DHX33: variants seen among roughly 807,000 people sequenced by gnomAD.
DHX33 encodes the protein ATP-dependent RNA helicase DHX33.
In DHX33, 42 loss-of-function variants were observed where a neutral mutation model predicts 72.5. That is an observed-to-expected ratio of 0.58 (90% confidence interval 0.45 to 0.75). DHX33 has a LOEUF of 0.75. Ranked by LOEUF, DHX33 falls within the 30% of genes least tolerant of loss-of-function variation. The pLI, the probability that DHX33 is intolerant of heterozygous loss-of-function variation, is 0.00. For missense variants in DHX33, 842 were observed against 917.5 expected (o/e 0.92, Z 1.06); for synonymous variants, 358 against 366.1 (o/e 0.98, Z 0.25).
Position 5,444,128 on chromosome 17 carries a change from A to G in DHX33, c.*77T>C, listed in dbSNP as rs1916538214. 2 of 1,513,572 alleles carry G rather than the reference A, an allele frequency of 1.3e-6. No homozygotes were observed. Among genetic ancestry groups the G allele is most frequent in the South Asian group, 1.3e-5 (1 of 75,718 alleles). 93.8% of individuals were successfully genotyped at this position (1,513,572 alleles called of 1,614,324 possible). ...GATTCCAAGGCTTCTCTAAGCGCCAACCTGGAAGCCTGCTGTAAGGACAAC... is the reference window on the plus strand; with the variant it reads ...GATTCCAAGGCTTCTCTAAGCGCCAGCCTGGAAGCCTGCTGTAAGGACAAC... On this transcript the variant is annotated 3_prime_UTR_variant, in exon 12 of 12. Coordinates refer to ENST00000225296, the MANE Select transcript of DHX33 (RefSeq NM_020162.4). This position sits in a 1 kb window ranked among gnomAD's most constrained non-coding sequence, Gnocchi z 4.9.
At position 5,444,570 on chromosome 17, in the gene DHX33, A is replaced by G; in HGVS notation, c.1816-57T>C. The G allele has an allele frequency of 6.4e-7, 1 of 1,553,770 alleles. No homozygotes were observed. Among genetic ancestry groups the G allele is most frequent in the East Asian group, 2.3e-5 (1 of 44,018 alleles). ...ACCCCACACGTAAACACTGGTCAGC[A>G]CTACACAGCGTGTTGGGGCAACTGG... On this transcript the variant is annotated intron_variant, in intron 11 of 11. Transcript: ENST00000225296. This position sits in a 1 kb window ranked among gnomAD's most constrained non-coding sequence, Gnocchi z 4.9.
rs1916536715 is a variant in DHX33, at chr17:5,444,082, G to A, written c.*123C>T. 14 of 1,153,538 alleles carry A rather than the reference G, an allele frequency of 1.2e-5. No individual in the cohort carries two copies. The South Asian group carries it at 1.6e-4, about 13-fold the overall frequency. The allele number at this position is 1,153,538 out of a possible 1,614,324, so 71.5% of individuals were successfully genotyped here. On this transcript the variant is annotated 3_prime_UTR_variant, in exon 12 of 12. Coordinates refer to ENST00000225296, the MANE Select transcript of DHX33 (RefSeq NM_020162.4). The surrounding 1 kb of genome is among the most constrained non-coding windows in gnomAD (Gnocchi z 4.9). ...TGAGCAAAGATGCTTTCACGCTCCT[G>A]GAAGTCAGGCACCTTCAGCTGATTC...
chr17:5,468,877 G>C lies in DHX33; in HGVS notation c.-18C>G, dbSNP rs1905006356. On this transcript the variant is annotated 5_prime_UTR_variant, in exon 1 of 12. Transcript: ENST00000225296. Reference sequence around the variant, plus strand: ...TCCGGCATGTCGGGAGGGCACCGCGGCGGGAGGCGCAAGCGCCGAGAGCTC... The same window carrying C: ...TCCGGCATGTCGGGAGGGCACCGCGCCGGGAGGCGCAAGCGCCGAGAGCTC... 6.5e-7 allele frequency: 1 copy of C among 1,549,534 alleles called. No homozygotes were observed. Among genetic ancestry groups the C allele is most frequent in the Non-Finnish European group, 8.7e-7 (1 of 1,146,834 alleles).
intron 11 of DHX33, among the ~76,000 whole-genome samples, chr17:5,445,326 G>A (rs769685096): frequency 5.3e-5 from 8 of 152,152 alleles, no homozygotes; most frequent in African/African-American, 7.2e-5. Context: ...TGATCTGCCC[G>A]CCTTGGCCTC....
At chr17:5,447,381 G>A (rs937652776) in intron 11 of DHX33, among the ~76,000 whole-genome samples, 6 of 151,940 alleles carry the variant, frequency 3.9e-5, no homozygotes, top group Non-Finnish European at 5.9e-5. Flanking sequence ...TAGGCCGGGC[G>A]TGGTGGCTCA....
At chr17:5,462,088 T>C (rs1044815126) in intron 3 of DHX33, among the ~76,000 whole-genome samples, 1 of 150,826 alleles carries the variant, frequency 6.6e-6, no homozygotes, top group African/African-American at 2.4e-5. Flanking sequence ...TACAGATGTG[T>C]GCCACCACAC....
At chr17:5,467,081 A>G (rs1414138585) in intron 1 of DHX33, among the ~76,000 whole-genome samples, 2 of 152,234 alleles carry the variant, frequency 1.3e-5, no homozygotes, top group Non-Finnish European at 2.9e-5. Flanking sequence ...AGCGCTGCTA[A>G]AAAACGTAAA....
At chr17:5,453,432 T>G (rs1917040817) in intron 8 of DHX33, 148 bp downstream of exon 8, 2 of 668,496 alleles carry the variant, frequency 3.0e-6, no homozygotes, top group African/African-American at 1.8e-5. Context: ...TTCATGATTT[T>G]CAGATGCTTC....
At chr17:5,454,171 C>A (rs60423909) in intron 6 of DHX33, among the ~76,000 whole-genome samples, 191 bp from the exon 7 acceptor site, 43,408 of 152,042 alleles carry the variant, frequency 0.29, 7,314 homozygotes, top group African/African-American at 0.46. Context: ...AAGGCTTTGC[C>A]ATAAGCCCAC....
At chr17:5,461,577 C>T (rs922803055) in intron 3 of DHX33, among the ~76,000 whole-genome samples, 1 of 149,642 alleles carries the variant, frequency 6.7e-6, no homozygotes, top group Non-Finnish European at 1.5e-5. Flanking sequence ...GAGATCGCGT[C>T]ACCACGCTGC....
At position 5,466,992 on chromosome 17, in the gene DHX33, A is replaced by C. The variant is rs369795179; in HGVS notation, c.289+1579T>G. Among the ~76,000 whole-genome samples the C allele has an allele frequency of 2.6e-5, 4 of 152,348 alleles. No individual in the cohort carries two copies. In the South Asian group the frequency reaches 8.3e-4, roughly 32 times the overall value. On this transcript the variant is annotated intron_variant, in intron 1 of 11. Coordinates refer to ENST00000225296, the MANE Select transcript of DHX33 (RefSeq NM_020162.4). ...AATGCACATTTTTACCTACGTTAAA[A>C]GGTTAAATAATTGTTTTGAGGGGGC...
At position 5,444,340 on chromosome 17, in the gene DHX33, C is replaced by T. The variant is rs538939275; in HGVS notation, c.1989G>A (p.Pro663=). Reference sequence around the variant, plus strand: ...GCAGCTCAGTGTACACGACGCAGGCCGGCTTGCAGTGGAAGAGGACAGACG... The same window carrying T: ...GCAGCTCAGTGTACACGACGCAGGCTGGCTTGCAGTGGAAGAGGACAGACG... ...HPSSVLFHCK[P]ACVVYTELLY... The change falls in exon 12 of 12, where the codon CCG becomes CCA. Residue 663 remains proline, a synonymous_variant. Coordinates refer to ENST00000225296, the MANE Select transcript of DHX33 (RefSeq NM_020162.4). This position sits in a 1 kb window ranked among gnomAD's most constrained non-coding sequence, Gnocchi z 4.9. 6 of 1,614,064 alleles carry T rather than the reference C, an allele frequency of 3.7e-6. No individual in the cohort carries two copies. The highest frequency in any genetic ancestry group is 1.7e-5 in the Admixed American group (1 of 60,020).
At chr17:5,452,631 T>A (rs1016474393) in intron 8 of DHX33, among the ~76,000 whole-genome samples, 2 of 152,170 alleles carry the variant, frequency 1.3e-5, no homozygotes, top group Admixed American at 6.5e-5. Context: ...TGTGGGAGAA[T>A]CACCTGAGCC....
At position 5,444,938 on chromosome 17, in the gene DHX33, G is replaced by A. The variant is rs538220237; in HGVS notation, c.1816-425C>T. 2.2e-4 allele frequency among the ~76,000 whole-genome samples: 33 copies of A among 152,236 alleles called. No homozygotes were observed. Among genetic ancestry groups the A allele is most frequent in the Non-Finnish European group, 3.7e-4 (25 of 68,016 alleles). ...AGCTAATCTACCTAAAGCACAACTC[G>A]AATCACTCTTCATCCACTCAAATAC... On this transcript the variant is annotated intron_variant, in intron 11 of 11. Coordinates refer to ENST00000225296, the MANE Select transcript of DHX33 (RefSeq NM_020162.4). This position sits in a 1 kb window ranked among gnomAD's most constrained non-coding sequence, Gnocchi z 4.9.
At position 5,444,058 on chromosome 17, in the gene DHX33, G is replaced by A. The variant is rs772657839; in HGVS notation, c.*147C>T. On this transcript the variant is annotated 3_prime_UTR_variant, in exon 12 of 12. Transcript: ENST00000225296. The surrounding 1 kb of genome is among the most constrained non-coding windows in gnomAD (Gnocchi z 4.9). Reference sequence around the variant, plus strand: ...TCTATATGGTTCAGTCCCAGGAGTTGAGCAAAGATGCTTTCACGCTCCTGG... The same window carrying A: ...TCTATATGGTTCAGTCCCAGGAGTTAAGCAAAGATGCTTTCACGCTCCTGG... The A allele has an allele frequency of 1.1e-6, 1 of 871,604 alleles. No individual in the cohort carries two copies. Among genetic ancestry groups the A allele is most frequent in the Non-Finnish European group, 1.7e-6 (1 of 579,428 alleles). The allele number at this position is 871,604 out of a possible 1,614,324, so 54.0% of individuals were successfully genotyped here.
chr17:5,455,007 C>T (rs1012092922), intron 6 of DHX33, among the ~76,000 whole-genome samples, 153 bp downstream of exon 6: 14 of 152,162 alleles, frequency 9.2e-5, no homozygotes, highest in Admixed American at 5.9e-4. Context: ...GACTCCTTCG[C>T]GGACCTGGAG....
At chr17:5,447,396 T>G (rs1418137263) in intron 11 of DHX33, among the ~76,000 whole-genome samples, 2 of 152,144 alleles carry the variant, frequency 1.3e-5, no homozygotes, top group African/African-American at 4.8e-5. Context: ...GGCTCACGCC[T>G]GTAATCCCAG....
chr17:5,468,520 G>C, intron 1 of DHX33, 51 bp downstream of exon 1: 2 of 1,573,548 alleles, frequency 1.3e-6, no homozygotes, highest in Non-Finnish European at 1.7e-6. Flanking sequence ...AACTGCTCTA[G>C]CTAAGCCACG....
In DHX33 at chr17:5,442,319, A is replaced by T. The variant is rs1279300844; in HGVS notation, c.*1886T>A. The T allele has an allele frequency of 6.7e-6, 1 of 148,852 alleles. No homozygotes were observed. The highest frequency in any genetic ancestry group is 1.5e-5 in the Non-Finnish European group (1 of 67,646). The allele number at this position is 148,852 out of a possible 1,614,324, so 9.2% of individuals were successfully genotyped here. ...TAAAAATACAATATTTTTCTTACTA[A>T]GTAGGACTAAACATTCTAATCCCCT... On this transcript the variant is annotated 3_prime_UTR_variant, in exon 12 of 12. Coordinates refer to ENST00000225296, the MANE Select transcript of DHX33 (RefSeq NM_020162.4).
Sources: gnomAD v4.1 joint callset for allele counts (sites outside exome capture counted in the v4.1 genomes callset) on GRCh38, gnomAD v4.1.1 for gene constraint, Gnocchi (gnomAD v3.1) non-coding constraint, MANE v1.5 for transcripts, NCBI Gene and HGNC (gene_info 2026-07-23, HGNC 2026-07-21) for gene names.